Variants in GTF2IRD1 observed in about 807,000 individuals in gnomAD.
GTF2IRD1 encodes general transcription factor II-I repeat domain-containing protein 1.
In GTF2IRD1, 26 loss-of-function variants were observed where a neutral mutation model predicts 113.2. That is an observed-to-expected ratio of 0.23 (90% CI 0.17 to 0.32). The LOEUF is 0.32. Among genes scored for constraint, GTF2IRD1 ranks in the 10% least tolerant of loss-of-function variants. GTF2IRD1 has a pLI of 1.00. For missense variants in GTF2IRD1, 864 were observed against 1,280.8 expected (o/e 0.67, Z 4.97); for synonymous variants, 484 against 529.1 (o/e 0.91, Z 1.17).
chr7:74,537,115 A>C (rs1489717790), intron 11 of GTF2IRD1, among the ~76,000 whole-genome samples: 5 of 150,986 alleles, frequency 3.3e-5, no homozygotes, highest in African/African-American at 1.2e-4. Flanking sequence ...TTGTTTCAAA[A>C]ATACAAACAT....
intron 17 of GTF2IRD1, among the ~76,000 whole-genome samples, chr7:74,548,505 C>T (rs1554353987): frequency 6.6e-6 from 1 of 151,968 alleles, no homozygotes; most frequent in East Asian, 1.9e-4. Flanking sequence ...AACAGTGGCT[C>T]ATGCCTATAA....
chr7:74,537,069 C>T (rs1459327063), intron 11 of GTF2IRD1, among the ~76,000 whole-genome samples: 3 of 152,082 alleles, frequency 2.0e-5, no homozygotes, highest in African/African-American at 7.2e-5. Context: ...TATGATCGCA[C>T]CACTGCACTC....
At position 74,503,166 on chromosome 7, in the gene GTF2IRD1, C is replaced by CAAAAAA. The variant is rs10626336; in HGVS notation, c.-6-4901_-6-4896dup. Among the ~76,000 whole-genome samples the CAAAAAA allele has an allele frequency of 2.7e-4, 38 of 140,916 alleles. No homozygotes were observed. The East Asian group carries it at 6.4e-3, about 24-fold the overall frequency. The allele number at this position is 140,916 out of a possible 152,430, so 92.4% of individuals were successfully genotyped here. On this transcript the variant is annotated intron_variant, in intron 1 of 26. Coordinates refer to ENST00000424337, the MANE Select transcript of GTF2IRD1 (RefSeq NM_005685.4). Reference sequence around the variant, plus strand: ...TGGGCAATAGAGTGAGACTCCATCTCAAAAAAAAAAAAATACAGTGTCCAG... The same window carrying CAAAAAA: ...TGGGCAATAGAGTGAGACTCCATCTCAAAAAAAAAAAAAAAAAAATACAGTGTCCAG...
At chr7:74,585,883 C>T (rs62475387) in intron 22 of GTF2IRD1, among the ~76,000 whole-genome samples, 1 of 149,544 alleles carries the variant, frequency 6.7e-6, no homozygotes. Context: ...CAAGACTCTT[C>T]CAAAAAAAAA....
Position 74,518,244 on chromosome 7 carries a change from G to T in GTF2IRD1, c.527G>T (p.Arg176Leu), listed in dbSNP as rs146302741. Residue 176 changes from arginine (R) to leucine (L), a missense_variant, in exon 5 of 27, where the codon CGA (arginine) becomes CTA (leucine). By Grantham distance (102) the Arg-to-Leu change is moderately radical (BLOSUM62 -2). Transcript: ENST00000424337. Reference sequence around the variant, plus strand: ...GGGCTGCCCGAAGGCCTGGCCTTCCGAAGGCCAGCCGAGTATGACCCCAAG... The same window carrying T: ...GGGCTGCCCGAAGGCCTGGCCTTCCTAAGGCCAGCCGAGTATGACCCCAAG... Reference protein sequence around the residue: ...VQGLPEGLAFRRPAEYDPKAL... With the variant: ...VQGLPEGLAFLRPAEYDPKAL... The T allele has an allele frequency of 1.2e-6, 2 of 1,612,056 alleles. No homozygotes were observed. Among genetic ancestry groups the T allele is most frequent in the East Asian group, 4.5e-5 (2 of 44,860 alleles).
intron 22 of GTF2IRD1, among the ~76,000 whole-genome samples, chr7:74,576,247 G>A (rs1181027709): frequency 9.2e-5 from 14 of 151,872 alleles, no homozygotes; most frequent in Admixed American, 9.2e-4. Flanking sequence ...AGTCTGAAAT[G>A]AGTCTTCCAA....
chr7:74,594,013 CAT>C (rs1320002264), intron 24 of GTF2IRD1, among the ~76,000 whole-genome samples: 1 of 151,856 alleles, frequency 6.6e-6, no homozygotes, highest in Non-Finnish European at 1.5e-5. Context: ...GCCTGGCCAA[CAT>C]AGTGAAATCC....
At chr7:74,544,714 A>G in intron 14 of GTF2IRD1, 41 bp from the exon 15 acceptor site, 1 of 1,605,068 alleles carries the variant, frequency 6.2e-7, no homozygotes, top group Non-Finnish European at 8.5e-7. Flanking sequence ...GGCTTAGGAG[A>G]TGATGAATGT....
chr7:74,575,077 C>T (rs587735745), intron 22 of GTF2IRD1, among the ~76,000 whole-genome samples: 27 of 141,840 alleles, frequency 1.9e-4, no homozygotes, highest in South Asian at 9.4e-4. Context: ...GCAACAAGAG[C>T]GAAACTCCGT....
In GTF2IRD1 at chr7:74,515,475, C is replaced by T. The variant is rs782739969; in HGVS notation, c.300C>T (p.His100=). 6.2e-7 allele frequency: 1 copy of T among 1,607,290 alleles called. No homozygotes were observed. Among genetic ancestry groups the T allele is most frequent in the Non-Finnish European group, 8.5e-7 (1 of 1,176,290 alleles). Reference sequence around the variant, plus strand: ...CGTGGAAGGATCCGGAGGCAGAGCACCCCAAGAAGGTGCAGCGGGGCGAGG... The same window carrying T: ...CGTGGAAGGATCCGGAGGCAGAGCATCCCAAGAAGGTGCAGCGGGGCGAGG... ...GPPWKDPEAE[H]PKKVQRGEGG... The change falls in exon 4 of 27, where the codon CAC becomes CAT. Residue 100 remains histidine, a synonymous_variant. Coordinates refer to ENST00000424337, the MANE Select transcript of GTF2IRD1 (RefSeq NM_005685.4).
At chr7:74,462,779 G>A (rs530551122) in intron 1 of GTF2IRD1, among the ~76,000 whole-genome samples, 1 of 152,356 alleles carries the variant, frequency 6.6e-6, no homozygotes, top group African/African-American at 2.4e-5. Context: ...CCTCAGAGCT[G>A]GAATTTCATC....
intron 1 of GTF2IRD1, among the ~76,000 whole-genome samples, chr7:74,494,751 T>G (rs1459873910): frequency 6.6e-6 from 1 of 150,960 alleles, no homozygotes; most frequent in African/African-American, 2.4e-5. Flanking sequence ...ACCAAAAAAC[T>G]TATTTATTTA....
intron 8 of GTF2IRD1, among the ~76,000 whole-genome samples, chr7:74,528,752 TG>T (rs1554347805): frequency 1.0e-3 from 114 of 108,622 alleles, no homozygotes; most frequent in Non-Finnish European, 1.8e-3. Flanking sequence ...GATGGATGGA[TG>T]GATGAATGGA....
chr7:74,595,114 A>G, intron 25 of GTF2IRD1, 63 bp downstream of exon 25: 1 of 1,248,716 alleles, frequency 8.0e-7, no homozygotes, highest in South Asian at 1.2e-5. Flanking sequence ...TTCCATTTGA[A>G]AAAAGGTAGA....
At chr7:74,594,882 G>A in intron 24 of GTF2IRD1, 132 bp from the exon 25 acceptor site, 3 of 527,128 alleles carry the variant, frequency 5.7e-6, no homozygotes, top group South Asian at 1.8e-5. Flanking sequence ...AACCCAGGAG[G>A]TGGAGGCTGC....
At chr7:74,531,763 G>A (rs1797977660) in intron 9 of GTF2IRD1, among the ~76,000 whole-genome samples, 3 of 152,032 alleles carry the variant, frequency 2.0e-5, no homozygotes, top group Admixed American at 1.3e-4. Flanking sequence ...TAGAGTCTCT[G>A]CCCTGGCCCA....
rs575959105 is a variant in GTF2IRD1, at chr7:74,503,569, G to A, written c.-6-4506G>A. Among the ~76,000 whole-genome samples, 17 of 152,046 alleles carry A rather than the reference G, an allele frequency of 1.1e-4. No homozygotes were observed. In the East Asian group the frequency reaches 3.3e-3, roughly 29 times the overall value. ...TTCGAGACCAGTCTGGCCAACATGGGGAAACCCCGTCTCTACTAAAAATAC... is the reference window on the plus strand; with the variant it reads ...TTCGAGACCAGTCTGGCCAACATGGAGAAACCCCGTCTCTACTAAAAATAC... On this transcript the variant is annotated intron_variant, in intron 1 of 26. Coordinates refer to ENST00000424337, the MANE Select transcript of GTF2IRD1 (RefSeq NM_005685.4).
chr7:74,486,374 ATCTC>A (rs781789657), intron 1 of GTF2IRD1, among the ~76,000 whole-genome samples: 2 of 151,950 alleles, frequency 1.3e-5, no homozygotes, highest in East Asian at 1.9e-4. Flanking sequence ...GGCCTGCGCC[ATCTC>A]TCTCTCTCTC....
Position 74,519,453 on chromosome 7 carries a change from T to C in GTF2IRD1, c.650T>C (p.Leu217Pro). Residue 217 changes from leucine (L) to proline (P), a missense_variant, in exon 6 of 27, where the codon CTG becomes CCG. Around this residue, in one of 7 missense-constraint regions of GTF2IRD1, gnomAD observed 195 missense variants for 196.6 expected, o/e 0.99. Coordinates refer to ENST00000424337, the MANE Select transcript of GTF2IRD1 (RefSeq NM_005685.4). Reference sequence around the variant, plus strand: ...CGGGACTCGAAGGCCCTGGTGGAGCTGAACGGTGTCTCCCTGATTCCCAAG... The same window carrying C: ...CGGGACTCGAAGGCCCTGGTGGAGCCGAACGGTGTCTCCCTGATTCCCAAG... ...GGRDSKALVELNGVSLIPKGS... is the reference protein window; with the variant it reads ...GGRDSKALVEPNGVSLIPKGS... 1 of 1,572,904 alleles carries C rather than the reference T, an allele frequency of 6.4e-7. No homozygotes were observed. Among genetic ancestry groups the C allele is most frequent in the Non-Finnish European group, 8.6e-7 (1 of 1,160,072 alleles).
Sources: allele counts gnomAD v4.1 joint callset (sites outside exome capture counted in the v4.1 genomes callset), GRCh38; gene constraint gnomAD v4.1.1; regional missense constraint gnomAD v4.1.1; transcripts MANE v1.5; gene names NCBI Gene and HGNC (gene_info 2026-07-23, HGNC 2026-07-21).